The following PKNOX2 variants were observed in gnomAD, a reference collection of about 807,000 sequenced individuals.
PKNOX2 encodes PBX/knotted 1 homeobox 2.
PKNOX2 carries 14 observed loss-of-function variants against 53.1 expected under a neutral mutation model. That is an observed-to-expected ratio of 0.26 (90% CI 0.17 to 0.41). The LOEUF is 0.41. Among genes scored for constraint, PKNOX2 ranks in the 10% least tolerant of loss-of-function variants. PKNOX2 has a pLI of 1.00. For synonymous variants in PKNOX2, 257 were observed against 242.8 expected, an observed-to-expected ratio of 1.06 and a Z score of -0.54; for missense variants, 496 against 602.8, an observed-to-expected ratio of 0.82 and a Z score of 1.85.
intron 2 of PKNOX2, among the ~76,000 whole-genome samples, chr11:125,313,564 A>G (rs1004998950): frequency 2.0e-5 from 3 of 152,178 alleles, no homozygotes; most frequent in Non-Finnish European, 4.4e-5. Context: ...TTTGCACTTG[A>G]AGATAAAGCT....
intron 10 of PKNOX2, among the ~76,000 whole-genome samples, chr11:125,415,498 C>T (rs548085039): frequency 6.6e-6 from 1 of 152,078 alleles, no homozygotes; most frequent in Non-Finnish European, 1.5e-5. Flanking sequence ...ATCTACCCAC[C>T]TTGGCCTGCC....
intron 2 of PKNOX2, among the ~76,000 whole-genome samples, chr11:125,254,829 A>G (rs1591498433): frequency 6.6e-6 from 1 of 150,874 alleles, no homozygotes; most frequent in East Asian, 2.0e-4. Flanking sequence ...CTGAGGTCCC[A>G]AGGGGCTCTT....
At chr11:125,208,081 G>A (rs147769894) in intron 1 of PKNOX2, among the ~76,000 whole-genome samples, 74 of 152,226 alleles carry the variant, frequency 4.9e-4, no homozygotes, top group African/African-American at 1.7e-3. Context: ...GTTTGGATGA[G>A]GAAACATTAC....
chr11:125,281,405 A>G (rs975506695), intron 2 of PKNOX2, among the ~76,000 whole-genome samples: 12 of 152,168 alleles, frequency 7.9e-5, no homozygotes, highest in African/African-American at 2.9e-4. Context: ...AATTTATCCC[A>G]GTGCTAGACA....
intron 5 of PKNOX2, among the ~76,000 whole-genome samples, chr11:125,382,788 T>A (rs1278355088): frequency 1.3e-5 from 2 of 152,150 alleles, no homozygotes; most frequent in Non-Finnish European, 2.9e-5. Context: ...TATACTGGAG[T>A]TTAACCCCTT....
chr11:125,265,071 G>A (rs1006161641), intron 2 of PKNOX2, among the ~76,000 whole-genome samples: 23 of 152,134 alleles, frequency 1.5e-4, no homozygotes, highest in African/African-American at 2.9e-4. Context: ...GGCAGATCAC[G>A]AGGTCAGAAG....
intron 3 of PKNOX2, among the ~76,000 whole-genome samples, chr11:125,342,016 G>T (rs1428606717): frequency 6.6e-6 from 1 of 152,246 alleles, no homozygotes; most frequent in Non-Finnish European, 1.5e-5. Context: ...TCTATTTAGA[G>T]CTCTTGTTTC....
At chr11:125,299,378 C>T (rs1022071691) in intron 2 of PKNOX2, among the ~76,000 whole-genome samples, 3 of 152,040 alleles carry the variant, frequency 2.0e-5, no homozygotes, top group African/African-American at 7.3e-5. Flanking sequence ...GTGCGTAACT[C>T]TGGTTGCCTG....
At chr11:125,386,521 C>A (rs932713316) in intron 6 of PKNOX2, among the ~76,000 whole-genome samples, 2 of 152,122 alleles carry the variant, frequency 1.3e-5, no homozygotes, top group Non-Finnish European at 2.9e-5. Flanking sequence ...GAATTATTAA[C>A]CACAATTCTT....
chr11:125,365,036 C>T (rs1952115061), intron 4 of PKNOX2, among the ~76,000 whole-genome samples: 1 of 152,048 alleles, frequency 6.6e-6, no homozygotes, highest in Admixed American at 6.6e-5. Flanking sequence ...AGGTTGTCTC[C>T]TTGTTATAGA....
In PKNOX2 at chr11:125,370,931, C is replaced by T. The variant is rs886717528; in HGVS notation, c.227+2946C>T. On this transcript the variant is annotated intron_variant, in intron 5 of 12. Transcript: ENST00000298282. The surrounding 1 kb of genome is among the most constrained non-coding windows in gnomAD (Gnocchi z 4.1). ...CCCCCATCATGGCCCCTGCTAGAAC[C>T]ACAGATGAAGGAAGGGTGGGTGTGG... Among the ~76,000 whole-genome samples, 1 of 152,202 alleles carries T rather than the reference C, an allele frequency of 6.6e-6. No individual in the cohort carries two copies. The highest frequency in any genetic ancestry group is 1.5e-5 in the Non-Finnish European group (1 of 68,034).
At chr11:125,199,362 C>T (rs1591478434) in intron 1 of PKNOX2, among the ~76,000 whole-genome samples, 1 of 152,226 alleles carries the variant, frequency 6.6e-6, no homozygotes, top group Admixed American at 6.5e-5. Flanking sequence ...GCAAAACATT[C>T]CTCGGTTCTC....
intron 1 of PKNOX2, among the ~76,000 whole-genome samples, chr11:125,193,351 G>A (rs552629669): frequency 3.9e-5 from 6 of 152,176 alleles, no homozygotes; most frequent in African/African-American, 9.6e-5. Flanking sequence ...GCCCTTTCTC[G>A]GCTCTAATTT....
intron 1 of PKNOX2, among the ~76,000 whole-genome samples, chr11:125,197,179 A>G (rs1937813507): frequency 6.6e-6 from 1 of 152,110 alleles, no homozygotes; most frequent in Admixed American, 6.5e-5. Flanking sequence ...TGGTGTTTGG[A>G]GTAGTTGAGT....
intron 2 of PKNOX2, among the ~76,000 whole-genome samples, chr11:125,272,220 C>T (rs964969095): frequency 1.3e-5 from 2 of 152,194 alleles, no homozygotes; most frequent in Admixed American, 6.5e-5. Flanking sequence ...GAGGAAAGCT[C>T]TCCAGGTGTT....
chr11:125,303,923 T>C (rs1283785837), intron 2 of PKNOX2, among the ~76,000 whole-genome samples: 1 of 152,224 alleles, frequency 6.6e-6, no homozygotes, highest in African/African-American at 2.4e-5. Flanking sequence ...AAACATTCTC[T>C]TCTCGGCTTC....
intron 2 of PKNOX2, among the ~76,000 whole-genome samples, chr11:125,270,273 G>A (rs1159086454): frequency 2.0e-5 from 3 of 152,162 alleles, no homozygotes; most frequent in South Asian, 2.1e-4. Context: ...GACTGGCATC[G>A]GCATTCCTTT....
intron 2 of PKNOX2, among the ~76,000 whole-genome samples, chr11:125,304,575 A>C (rs980349738): frequency 6.6e-5 from 10 of 152,222 alleles, no homozygotes; most frequent in African/African-American, 2.2e-4. Flanking sequence ...GGCTGGTGTG[A>C]ATTCCTTATG....
intron 1 of PKNOX2, among the ~76,000 whole-genome samples, chr11:125,185,889 G>A (rs1240894078): frequency 6.6e-6 from 1 of 152,090 alleles, no homozygotes; most frequent in African/African-American, 2.4e-5. Context: ...CATATACCTA[G>A]TAGAGGAATT....
Sources: allele counts gnomAD v4.1 joint callset (sites outside exome capture counted in the v4.1 genomes callset), GRCh38; gene constraint gnomAD v4.1.1; non-coding constraint Gnocchi (gnomAD v3.1); transcripts MANE v1.5; gene names NCBI Gene and HGNC (gene_info 2026-07-23, HGNC 2026-07-21).